The following AAK1 variants were observed in gnomAD, a reference collection of about 807,000 sequenced individuals.
AAK1 encodes the protein AP2 associated kinase 1.
Under a neutral mutation model 116.0 loss-of-function variants are expected in AAK1, and 37 were observed. The ratio of observed to expected loss-of-function variants is 0.32; its 90% CI spans 0.25 to 0.42. AAK1 has a LOEUF of 0.42. AAK1 is among the 10% of genes least tolerant of loss of function. The probability of loss-of-function intolerance (pLI) is 1.00; values close to 1 mark genes in which losing one functional copy is unlikely to be tolerated. For synonymous variants in AAK1, 458 were observed against 439.9 expected, an observed-to-expected ratio of 1.04 and a Z score of -0.51; for missense variants, 919 against 1,170.6, an observed-to-expected ratio of 0.79 and a Z score of 3.14.
intron 18 of AAK1, chr2:69,482,170 G>C (rs1479231553): frequency 6.1e-6 from 1 of 163,916 alleles, no homozygotes; most frequent in African/African-American, 2.4e-5. Context: ...TGACCAACAT[G>C]GAGAAACCCT....
intron 17 of AAK1, among the ~76,000 whole-genome samples, chr2:69,494,476 G>C (rs1675660894): frequency 6.6e-6 from 1 of 152,140 alleles, no homozygotes; most frequent in African/African-American, 2.4e-5. Flanking sequence ...CCTTCTTCCT[G>C]GCTTCTGCAG....
chr2:69,513,275 A>C (rs1381654347), intron 13 of AAK1, among the ~76,000 whole-genome samples: 1 of 152,178 alleles, frequency 6.6e-6, no homozygotes, highest in Non-Finnish European at 1.5e-5. Flanking sequence ...TTTCTGGTTT[A>C]AGATGGGAGA....
At chr2:69,642,746 C>A in intron 2 of AAK1, 132 bp downstream of exon 2, 3 of 1,280,708 alleles carry the variant, frequency 2.3e-6, no homozygotes, top group Non-Finnish European at 3.3e-6. Flanking sequence ...AGGACAATGA[C>A]TCACAGGGCA....
At chr2:69,496,779 T>C (rs554839490) in intron 16 of AAK1, among the ~76,000 whole-genome samples, 62 of 152,258 alleles carry the variant, frequency 4.1e-4, no homozygotes, top group Non-Finnish European at 6.2e-4. Flanking sequence ...GTACTTCCTA[T>C]GTATCTATCA....
rs1363337077 is a variant in AAK1, at chr2:69,505,607, C to T, written c.2231G>A (p.Gly744Asp). ...AAATGAGGTCGTAGCAAAAGCATCACCTTGGGTTGATTGAAAGCCTGGGAT... is the reference window on the plus strand; with the variant it reads ...AAATGAGGTCGTAGCAAAAGCATCATCTTGGGTTGATTGAAAGCCTGGGAT... ...SLIPGFQSTQGDAFATTSFSA... is the reference protein window; with the variant it reads ...SLIPGFQSTQDDAFATTSFSA... The change falls in exon 16 of 22, where the codon GGT (glycine) becomes GAT (aspartate). Residue 744 changes from glycine to aspartate, a missense_variant. Coordinates refer to ENST00000409085, the MANE Select transcript of AAK1 (RefSeq NM_014911.5). 6.2e-7 allele frequency: 1 copy of T among 1,613,702 alleles called. No individual in the cohort carries two copies. The highest frequency in any genetic ancestry group is 2.2e-5 in the East Asian group (1 of 44,872).
intron 2 of AAK1, among the ~76,000 whole-genome samples, chr2:69,606,000 T>C (rs142493247): frequency 6.6e-6 from 1 of 152,300 alleles, no homozygotes; most frequent in African/African-American, 2.4e-5. Context: ...AACTCACTAT[T>C]CCAGCTACAC....
intron 2 of AAK1, among the ~76,000 whole-genome samples, chr2:69,612,979 T>A (rs1674155528): frequency 6.6e-6 from 1 of 152,204 alleles, no homozygotes; most frequent in African/African-American, 2.4e-5. Flanking sequence ...AGTTTAGCCA[T>A]GTGAAATGGC....
At position 69,514,583 on chromosome 2, in the gene AAK1, T is replaced by C. The variant is rs1248967948; in HGVS notation, c.1664A>G (p.Gln555Arg). 6.3e-7 allele frequency: 1 copy of C among 1,578,908 alleles called. No homozygotes were observed. Among genetic ancestry groups the C allele is most frequent in the East Asian group, 2.3e-5 (1 of 43,456 alleles). ...QQLATALHQQ[Q>R]LMTQQAALQQ... ...CAAGGCAGCCTGCTGAGTCATCAGC[T>C]GTTGTTGATGCAGGGCTGTGGCCAG... The change falls in exon 13 of 22, where the codon CAG becomes CGG. Residue 555 changes from glutamine (Q) to arginine (R), a missense_variant. By Grantham distance (43) the Gln-to-Arg change is conservative (BLOSUM62 1). Around this residue, in one of 4 missense-constraint regions of AAK1, gnomAD observed 214 missense variants for 210.6 expected, o/e 1.02. Coordinates refer to ENST00000409085, the MANE Select transcript of AAK1 (RefSeq NM_014911.5).
At position 69,458,885 on chromosome 2, in the gene AAK1, C is replaced by A. The variant is rs368192019; in HGVS notation, c.*16984G>T. On this transcript the variant is annotated 3_prime_UTR_variant, in exon 22 of 22. Transcript: ENST00000409085. ...TAAAAACTATTTTTGCAATTCCTTG[C>A]CGAAAGGAATCAAACGGATCCCTTT... 1.3e-4 allele frequency: 20 copies of A among 152,648 alleles called. No individual in the cohort carries two copies. The highest frequency in any genetic ancestry group is 4.8e-4 in the African/African-American group (20 of 41,548). 9.5% of individuals were successfully genotyped at this position (152,648 alleles called of 1,614,324 possible). A position where few individuals can be genotyped will look rare whatever the true frequency, so the allele number is the denominator to read the frequency against.
intron 2 of AAK1, among the ~76,000 whole-genome samples, chr2:69,628,676 T>G (rs1048919717): frequency 1.3e-5 from 2 of 152,248 alleles, no homozygotes; most frequent in African/African-American, 4.8e-5. Context: ...TTTGATGTTA[T>G]ACTGATTCTA....
rs1674717274 is a variant in AAK1 at position 69,472,630 on chromosome 2, AC to A, written c.*3238del. On this transcript the variant is annotated 3_prime_UTR_variant, in exon 22 of 22. Coordinates refer to ENST00000409085, the MANE Select transcript of AAK1 (RefSeq NM_014911.5). ...TCCTCTGAGGTATGTATTTTTGAAA[AC>A]ATTGGGACTCATTTGAATGTTGTAA... The A allele has an allele frequency of 1.0e-6, 1 of 985,320 alleles. No homozygotes were observed. 61.0% of individuals were successfully genotyped at this position (985,320 alleles called of 1,614,324 possible).
intron 5 of AAK1, among the ~76,000 whole-genome samples, chr2:69,532,388 C>G (rs1033144773): frequency 2.0e-5 from 3 of 152,070 alleles, no homozygotes; most frequent in Non-Finnish European, 4.4e-5. Flanking sequence ...AGAGGAAACT[C>G]CACGGTGGGG....
At chr2:69,633,828 G>A (rs546423903) in intron 2 of AAK1, among the ~76,000 whole-genome samples, 53 of 152,300 alleles carry the variant, frequency 3.5e-4, no homozygotes, top group African/African-American at 1.2e-3. Flanking sequence ...GACTTGAAAA[G>A]CTCACAGGGA....
intron 2 of AAK1, among the ~76,000 whole-genome samples, chr2:69,613,691 A>G (rs1477664828): frequency 6.6e-6 from 1 of 152,220 alleles, no homozygotes; most frequent in East Asian, 1.9e-4. Context: ...ATGTGGAGGT[A>G]CCTGGAGGGT....
intron 21 of AAK1, 122 bp from the exon 22 acceptor site, chr2:69,476,085 A>C (rs1038698866): frequency 2.0e-6 from 3 of 1,464,646 alleles, no homozygotes; most frequent in Non-Finnish European, 2.7e-6. Context: ...AACCAAAAAA[A>C]CCAAACCCTA....
rs144574274 is a variant in AAK1 at position 69,474,540 on chromosome 2, T to A, written c.*1329A>T. ...TAATAAAGAACTATGCTTTATTATT[T>A]TTTTTTAATCTAGGAAGCCAAGGAA... is the stretch of plus-strand genomic sequence containing the variant. On this transcript the variant is annotated 3_prime_UTR_variant, in exon 22 of 22. Coordinates refer to ENST00000409085, the MANE Select transcript of AAK1 (RefSeq NM_014911.5). 8.3e-4 allele frequency: 822 copies of A among 985,242 alleles called. 3 individuals carry two copies. The African/African-American group carries it at 0.01, about 13-fold the overall frequency. The allele number at this position is 985,242 out of a possible 1,614,324, so 61.0% of individuals were successfully genotyped here.
intron 19 of AAK1, among the ~76,000 whole-genome samples, chr2:69,480,386 C>A (rs986137906): frequency 6.6e-6 from 1 of 151,894 alleles, no homozygotes; most frequent in African/African-American, 2.4e-5. Context: ...TTCAACTTTG[C>A]CTACAATTTT....
intron 12 of AAK1, 25 bp from the exon 13 acceptor site, chr2:69,514,774 TA>T: frequency 6.5e-7 from 1 of 1,543,086 alleles, no homozygotes; most frequent in Admixed American, 2.0e-5. Flanking sequence ...AGGAGATGAA[TA>T]AGGGCCTGTC....
At chr2:69,514,404 C>A in intron 13 of AAK1, 67 bp downstream of exon 13, 1 of 1,458,640 alleles carries the variant, frequency 6.9e-7, no homozygotes, top group Non-Finnish European at 9.1e-7. Context: ...TCTTTCCCAC[C>A]CTTCCCCTAG....
Sources: gnomAD v4.1 joint callset for allele counts (sites outside exome capture counted in the v4.1 genomes callset) on GRCh38, gnomAD v4.1.1 for gene constraint, gnomAD v4.1.1 regional missense constraint, MANE v1.5 for transcripts, NCBI Gene and HGNC (gene_info 2026-07-23, HGNC 2026-07-21) for gene names.